Variants in LSAMP observed in about 807,000 individuals in gnomAD.
LSAMP encodes the protein limbic system associated membrane protein, also known as limbic system-associated membrane protein.
LSAMP carries 7 observed loss-of-function variants against 38.6 expected under a neutral mutation model. That is an observed-to-expected ratio of 0.18 (90% confidence interval 0.10 to 0.34). The LOEUF is 0.34. LSAMP is among the 10% of genes least tolerant of loss of function. The pLI is 1.00. For missense variants in LSAMP, 313 were observed against 420.0 expected (o/e 0.75, Z 2.23); for synonymous variants, 154 against 166.8 (o/e 0.92, Z 0.59).
intron 1 of LSAMP, among the ~76,000 whole-genome samples, chr3:116,299,088 G>A (rs942913538): frequency 3.3e-5 from 5 of 152,190 alleles, no homozygotes; most frequent in Non-Finnish European, 7.3e-5. Flanking sequence ...TTTAAGCAAT[G>A]AGCTGAAAGT....
At chr3:116,437,006 T>C (rs2049360322) in intron 1 of LSAMP, among the ~76,000 whole-genome samples, 1 of 148,908 alleles carries the variant, frequency 6.7e-6, no homozygotes, top group Non-Finnish European at 1.5e-5. Flanking sequence ...TATATATATA[T>C]GTGTATATAT....
intron 1 of LSAMP, among the ~76,000 whole-genome samples, chr3:116,130,477 G>T (rs1326238030): frequency 1.3e-5 from 2 of 152,094 alleles, no homozygotes; most frequent in Non-Finnish European, 2.9e-5. Flanking sequence ...AAAATATTAA[G>T]CATTCAATAA....
At chr3:116,157,188 T>C (rs1709772523) in intron 1 of LSAMP, among the ~76,000 whole-genome samples, 1 of 152,062 alleles carries the variant, frequency 6.6e-6, no homozygotes, top group South Asian at 2.1e-4. Context: ...GATCATTCTG[T>C]GATTGTACAG....
chr3:116,271,795 C>G (rs564039918), intron 1 of LSAMP, among the ~76,000 whole-genome samples: 9 of 152,116 alleles, frequency 5.9e-5, no homozygotes, highest in East Asian at 3.9e-4. Flanking sequence ...CATTACTGTT[C>G]CGTGGGTACA....
chr3:116,194,357 T>A (rs1362923544), intron 1 of LSAMP, among the ~76,000 whole-genome samples: 1 of 151,856 alleles, frequency 6.6e-6, no homozygotes, highest in East Asian at 1.9e-4. Flanking sequence ...CAAACTGCAG[T>A]ACTGATGTGG....
intron 1 of LSAMP, among the ~76,000 whole-genome samples, chr3:116,319,635 G>A (rs561955687): frequency 6.6e-6 from 1 of 152,254 alleles, no homozygotes; most frequent in East Asian, 1.9e-4. Flanking sequence ...AGGGATGTGT[G>A]TTAAATTCTG....
At chr3:115,946,745 CA>C (rs561735090) in intron 3 of LSAMP, among the ~76,000 whole-genome samples, 4,694 of 149,634 alleles carry the variant, frequency 0.031, 105 homozygotes, top group Non-Finnish European at 0.04. Flanking sequence ...CCAGAGAATA[CA>C]AAAAAAAAGG....
Position 116,241,569 on chromosome 3 carries a change from A to AATAG in LSAMP, c.156-155014_156-155013insCTAT, listed in dbSNP as rs1345418945. Among the ~76,000 whole-genome samples, 7 of 152,278 alleles carry AATAG rather than the reference A, an allele frequency of 4.6e-5. No individual in the cohort carries two copies. In the South Asian group the frequency reaches 8.3e-4, roughly 18 times the overall value. On this transcript the variant is annotated intron_variant, in intron 1 of 6. Coordinates refer to ENST00000490035, the MANE Select transcript of LSAMP (RefSeq NM_002338.5). The stretch of plus-strand genomic sequence containing the variant: ...CAACAGAGTGAGATTCTGTCTAAAA[A>AATAG]ACAGATAGATAGATAGATAATTCTT...
intron 1 of LSAMP, among the ~76,000 whole-genome samples, chr3:116,200,260 A>G (rs1291204626): frequency 6.6e-6 from 1 of 152,170 alleles, no homozygotes; most frequent in African/African-American, 2.4e-5. Flanking sequence ...GGAAGCTTCA[A>G]CCACACTACA....
intron 1 of LSAMP, among the ~76,000 whole-genome samples, chr3:116,253,782 G>T (rs1386251966): frequency 1.3e-5 from 2 of 152,154 alleles, no homozygotes; most frequent in East Asian, 3.8e-4. Context: ...AAAGACAATG[G>T]CAGGAAAACA....
intron 2 of LSAMP, among the ~76,000 whole-genome samples, chr3:116,076,667 TA>T (rs1707750973): frequency 6.6e-6 from 1 of 152,168 alleles, no homozygotes; most frequent in African/African-American, 2.4e-5. Flanking sequence ...TTTAGATACA[TA>T]AAAAATTCAA....
chr3:116,220,393 AC>A (rs1188830410), intron 1 of LSAMP, among the ~76,000 whole-genome samples: 1 of 144,922 alleles, frequency 6.9e-6, no homozygotes, highest in Non-Finnish European at 1.5e-5. Flanking sequence ...ACACACACAC[AC>A]AAAAGATACT....
intron 3 of LSAMP, among the ~76,000 whole-genome samples, chr3:115,866,017 ATCT>A (rs1190340359): frequency 6.6e-6 from 1 of 152,098 alleles, no homozygotes; most frequent in African/African-American, 2.4e-5. Flanking sequence ...GATTTTTTAC[ATCT>A]TCTAGTTTAT....
At chr3:116,167,708 T>A (rs1003443851) in intron 1 of LSAMP, among the ~76,000 whole-genome samples, 1 of 152,216 alleles carries the variant, frequency 6.6e-6, no homozygotes, top group Non-Finnish European at 1.5e-5. Context: ...TCTGCCCTCA[T>A]GGAGAAACAT....
At chr3:115,991,535 G>A (rs909252266) in intron 3 of LSAMP, among the ~76,000 whole-genome samples, 2 of 152,022 alleles carry the variant, frequency 1.3e-5, no homozygotes, top group African/African-American at 4.8e-5. Flanking sequence ...ATTTATAATT[G>A]TATAAATTTG....
At chr3:116,412,540 C>T (rs2048993931) in intron 1 of LSAMP, among the ~76,000 whole-genome samples, 1 of 152,056 alleles carries the variant, frequency 6.6e-6, no homozygotes, top group African/African-American at 2.4e-5. Context: ...AAGCCATCTA[C>T]CAAGCAAGAA....
intron 2 of LSAMP, among the ~76,000 whole-genome samples, chr3:116,043,471 TCA>T (rs1306263406): frequency 6.6e-6 from 1 of 152,174 alleles, no homozygotes; most frequent in Non-Finnish European, 1.5e-5. Context: ...AGAGCAGATG[TCA>T]CCCCACACAA....
At chr3:116,221,494 A>C (rs908007898) in intron 1 of LSAMP, among the ~76,000 whole-genome samples, 1 of 152,114 alleles carries the variant, frequency 6.6e-6, no homozygotes, top group East Asian at 1.9e-4. Flanking sequence ...ATGAGCCTCC[A>C]CTCATTTGTC....
chr3:116,321,177 TG>T (rs2047701193), intron 1 of LSAMP, among the ~76,000 whole-genome samples: 1 of 152,134 alleles, frequency 6.6e-6, no homozygotes, highest in South Asian at 2.1e-4. Flanking sequence ...AAGATCAGCC[TG>T]GGCAACGTGG....
Sources: allele counts gnomAD v4.1 joint callset (sites outside exome capture counted in the v4.1 genomes callset), GRCh38; gene constraint gnomAD v4.1.1; transcripts MANE v1.5; gene names NCBI Gene and HGNC (gene_info 2026-07-23, HGNC 2026-07-21).